DPP10: variants seen among roughly 807,000 people sequenced by gnomAD.
DPP10 encodes the protein dipeptidyl peptidase like 10.
DPP10 carries 33 observed loss-of-function variants against 120.9 expected under a neutral mutation model. The observed-to-expected ratio is 0.27, with a 90% confidence interval of 0.21 to 0.37. The LOEUF (loss-of-function observed/expected upper bound fraction) is 0.37, where lower values mean the gene tolerates loss of function less well. DPP10 is among the 10% of genes least tolerant of loss of function. The probability of loss-of-function intolerance (pLI) is 1.00; values close to 1 mark genes in which losing one functional copy is unlikely to be tolerated. For missense variants in DPP10, 816 were observed against 942.8 expected (o/e 0.87, Z 1.76); for synonymous variants, 337 against 326.1 (o/e 1.03, Z -0.36).
chr2:114,481,810 C>T (rs2104681982), intron 1 of DPP10, among the ~76,000 whole-genome samples: 2 of 151,594 alleles, frequency 1.3e-5, no homozygotes, highest in South Asian at 2.1e-4. Flanking sequence ...AGCTGAGAGA[C>T]CCCTGGAAAC....
chr2:115,250,223 T>C (rs566051693), intron 1 of DPP10, among the ~76,000 whole-genome samples: 1 of 152,174 alleles, frequency 6.6e-6, no homozygotes, highest in Non-Finnish European at 1.5e-5. Flanking sequence ...TGTTTAATGA[T>C]TTTGTAAAAC....
chr2:115,320,519 G>A (rs925844365), intron 2 of DPP10, among the ~76,000 whole-genome samples: 2 of 151,042 alleles, frequency 1.3e-5, no homozygotes, highest in Admixed American at 6.6e-5. Context: ...GGTTATGTTG[G>A]TCATCATAAT....
intron 1 of DPP10, among the ~76,000 whole-genome samples, chr2:115,218,630 T>C (rs549384249): frequency 7.2e-5 from 11 of 152,114 alleles, no homozygotes; most frequent in Non-Finnish European, 1.6e-4. Context: ...AAATTTTTTC[T>C]TTGAGAATGC....
intron 1 of DPP10, among the ~76,000 whole-genome samples, chr2:115,302,715 C>T (rs1283670845): frequency 6.6e-6 from 1 of 152,058 alleles, no homozygotes; most frequent in Non-Finnish European, 1.5e-5. Context: ...TGCCTTTGTA[C>T]CATAGCTCAG....
chr2:114,871,262 T>TA (rs1200171307), intron 1 of DPP10, among the ~76,000 whole-genome samples: 3 of 82,714 alleles, frequency 3.6e-5, no homozygotes, highest in African/African-American at 7.2e-5. Flanking sequence ...GAAAGAACAC[T>TA]GAAGAAACAA....
chr2:115,139,961 C>T (rs2050840010), intron 1 of DPP10, among the ~76,000 whole-genome samples: 1 of 152,014 alleles, frequency 6.6e-6, no homozygotes, highest in Admixed American at 6.6e-5. Flanking sequence ...CCATGACAGA[C>T]ACATGTTCAT....
At chr2:115,483,174 C>A (rs916236877) in intron 3 of DPP10, among the ~76,000 whole-genome samples, 2 of 152,024 alleles carry the variant, frequency 1.3e-5, no homozygotes, top group African/African-American at 4.8e-5. Context: ...CATCATCATA[C>A]TCAAGATCAC....
intron 3 of DPP10, among the ~76,000 whole-genome samples, chr2:115,380,426 G>T (rs921634018): frequency 2.0e-5 from 3 of 151,946 alleles, no homozygotes; most frequent in Admixed American, 1.3e-4. Flanking sequence ...TCCATCCTTT[G>T]GTTTTGAGCC....
Position 115,047,596 on chromosome 2 carries a change from A to T in DPP10, c.61-261643A>T, listed in dbSNP as rs114020282. The stretch of plus-strand genomic sequence containing the variant: ...TTATGAGTCTAAATGCTGTAAAATA[A>T]CAATAGCCAATGTGAATTACGCAAG... On this transcript the variant is annotated intron_variant, in intron 1 of 25. Transcript: ENST00000410059. Among the ~76,000 whole-genome samples, 1,395 of 152,182 alleles carry T rather than the reference A, an allele frequency of 9.2e-3. 25 individuals are homozygous for T. The highest frequency in any genetic ancestry group is 0.032 in the African/African-American group (1,333 of 41,538).
At chr2:115,508,000 C>G (rs2077036086) in intron 4 of DPP10, among the ~76,000 whole-genome samples, 1 of 152,026 alleles carries the variant, frequency 6.6e-6, no homozygotes, top group Admixed American at 6.6e-5. Context: ...TCAGCATCAT[C>G]TCTGAGGTTT....
chr2:115,027,604 T>G (rs572430756), intron 1 of DPP10, among the ~76,000 whole-genome samples: 96 of 152,282 alleles, frequency 6.3e-4, no homozygotes, highest in African/African-American at 2.2e-3. Flanking sequence ...TTTTTTGTGG[T>G]GTGTTTTTCT....
At chr2:115,289,505 G>GAAAA (rs148111691) in intron 1 of DPP10, among the ~76,000 whole-genome samples, 3,451 of 53,090 alleles carry the variant, frequency 0.065, 128 homozygotes, top group East Asian at 0.21. Flanking sequence ...AAAAAAAAAA[G>GAAAA]GAAGAAAAGA....
chr2:115,027,717 A>G, intron 1 of DPP10, among the ~76,000 whole-genome samples: 1 of 152,054 alleles, frequency 6.6e-6, no homozygotes, highest in Non-Finnish European at 1.5e-5. Context: ...TTCTGTGTTT[A>G]ATGTTCGGTA....
At chr2:115,302,205 A>C (rs1029073214) in intron 1 of DPP10, among the ~76,000 whole-genome samples, 6 of 151,604 alleles carry the variant, frequency 4.0e-5, no homozygotes, top group Admixed American at 3.3e-4. Flanking sequence ...AGCAAGAGGG[A>C]AATCTGCCCC....
Position 114,944,160 on chromosome 2 carries a change from A to T in DPP10, c.61-365079A>T, listed in dbSNP as rs575721982. ...AAACATATTCTTGAACCAAGACTGAAAATGTTCTTTCCCTGGGTATGCACA... is the reference window on the plus strand; with the variant it reads ...AAACATATTCTTGAACCAAGACTGATAATGTTCTTTCCCTGGGTATGCACA... On this transcript the variant is annotated intron_variant, in intron 1 of 25. Transcript: ENST00000410059. 5.9e-5 allele frequency among the ~76,000 whole-genome samples: 9 copies of T among 152,290 alleles called. No individual in the cohort carries two copies. The South Asian group carries it at 1.9e-3, about 32-fold the overall frequency.
At chr2:114,446,118 G>A (rs565822146) in intron 1 of DPP10, among the ~76,000 whole-genome samples, 11 of 152,306 alleles carry the variant, frequency 7.2e-5, no homozygotes, top group African/African-American at 2.6e-4. Flanking sequence ...TTATAAACGT[G>A]ATTTCTGAAG....
chr2:115,764,147 CA>C (rs1157602208), intron 12 of DPP10, among the ~76,000 whole-genome samples: 1 of 150,662 alleles, frequency 6.6e-6, no homozygotes, highest in Non-Finnish European at 1.5e-5. Context: ...TGCTAAGATA[CA>C]AGGACATGAG....
intron 3 of DPP10, among the ~76,000 whole-genome samples, chr2:115,399,156 T>TA (rs1442013719): frequency 2.0e-5 from 3 of 152,198 alleles, no homozygotes; most frequent in African/African-American, 7.2e-5. Context: ...CTTTGATAAT[T>TA]ACTACAATTT....
At chr2:115,263,067 G>T (rs571782707) in intron 1 of DPP10, among the ~76,000 whole-genome samples, 1 of 152,128 alleles carries the variant, frequency 6.6e-6, no homozygotes, top group East Asian at 1.9e-4. Context: ...AGTGATTACC[G>T]TGTCCAAGAG....
Sources: allele counts gnomAD v4.1 joint callset (sites outside exome capture counted in the v4.1 genomes callset), GRCh38; gene constraint gnomAD v4.1.1; transcripts MANE v1.5; gene names NCBI Gene and HGNC (gene_info 2026-07-23, HGNC 2026-07-21).